The following C3orf70 variants were observed in gnomAD, a reference collection of about 807,000 sequenced individuals.
The protein encoded by C3orf70 is chromosome 3 open reading frame 70.
C3orf70 carries 15 observed loss-of-function variants against 20.7 expected under a neutral mutation model. That is an observed-to-expected ratio of 0.72 (90% CI 0.48 to 1.11). C3orf70 has a LOEUF of 1.11. C3orf70 is among the 50% of genes most tolerant of loss of function. The pLI is 0.00. For synonymous variants in C3orf70, 161 were observed against 125.7 expected (o/e 1.28, Z -1.88); for missense variants, 332 against 317.6 (o/e 1.05, Z -0.34).
chr3:185,084,585 G>T (rs1284206566), intron 1 of C3orf70, among the ~76,000 whole-genome samples: 1 of 151,862 alleles, frequency 6.6e-6, no homozygotes, highest in Admixed American at 6.6e-5. Context: ...AACACACAGA[G>T]GGATGCAGAG....
At chr3:185,114,123 T>C (rs1339152593) in intron 1 of C3orf70, among the ~76,000 whole-genome samples, 1 of 152,012 alleles carries the variant, frequency 6.6e-6, no homozygotes, top group Non-Finnish European at 1.5e-5. Context: ...TGCTTGAACC[T>C]AGGAGGCACA....
chr3:185,124,409 T>C (rs1716367588), intron 1 of C3orf70, among the ~76,000 whole-genome samples: 1 of 152,178 alleles, frequency 6.6e-6, no homozygotes, highest in South Asian at 2.1e-4. Flanking sequence ...AACAGTGAAG[T>C]TGGAAGACTC....
rs1305740922 is a variant in C3orf70 at position 185,078,877 on chromosome 3, T to C, written c.*4130A>G. The stretch of plus-strand genomic sequence containing the variant: ...TTAGATCTATGGACAGCTTTATAAA[T>C]TATCCAGGTGCACCTATTACCCAAG... On this transcript the variant is annotated 3_prime_UTR_variant, in exon 2 of 2. Coordinates refer to ENST00000335012, the MANE Select transcript of C3orf70 (RefSeq NM_001025266.3). 1 of 152,162 alleles carries C rather than the reference T, an allele frequency of 6.6e-6. No homozygotes were observed. Among genetic ancestry groups the C allele is most frequent in the African/African-American group, 2.4e-5 (1 of 41,428 alleles). The allele number at this position is 152,162 out of a possible 1,614,324, so 9.4% of individuals were successfully genotyped here.
intron 1 of C3orf70, among the ~76,000 whole-genome samples, chr3:185,093,517 A>G (rs1715636751): frequency 6.6e-6 from 1 of 152,188 alleles, no homozygotes; most frequent in Non-Finnish European, 1.5e-5. Context: ...ACCACCAGTG[A>G]ACAACTAGGG....
chr3:185,110,555 T>C (rs531527279), intron 1 of C3orf70, among the ~76,000 whole-genome samples: 7,261 of 150,978 alleles, frequency 0.048, 584 homozygotes, highest in African/African-American at 0.17. Flanking sequence ...AGGCCCCCCC[T>C]CAAAATCTGG....
At chr3:185,149,505 T>A (rs1716946872) in intron 1 of C3orf70, among the ~76,000 whole-genome samples, 1 of 152,164 alleles carries the variant, frequency 6.6e-6, no homozygotes, top group Admixed American at 6.5e-5. Flanking sequence ...GTATTCATAT[T>A]TTTATTCTGA....
intron 1 of C3orf70, among the ~76,000 whole-genome samples, chr3:185,121,680 T>C (rs1288521353): frequency 6.6e-6 from 1 of 151,984 alleles, no homozygotes. Flanking sequence ...GTTGGAGAAG[T>C]AGTAAGGCTA....
rs1484521620 is a variant in C3orf70, at chr3:185,081,205, C to CAGG, written c.*1801_*1802insCCT. 1 of 152,000 alleles carries CAGG rather than the reference C, an allele frequency of 6.6e-6. No individual in the cohort carries two copies. The highest frequency in any genetic ancestry group is 1.5e-5 in the Non-Finnish European group (1 of 68,028). The allele number at this position is 152,000 out of a possible 1,614,324, so 9.4% of individuals were successfully genotyped here. On this transcript the variant is annotated 3_prime_UTR_variant, in exon 2 of 2. Coordinates refer to ENST00000335012, the MANE Select transcript of C3orf70 (RefSeq NM_001025266.3). ...GGCCGAGGTGGGTGGATCACAAGGT[C>CAGG]AGATCGAGACCATCCTGGCTAACAT...
At chr3:185,083,665 T>A (rs1715401925) in intron 1 of C3orf70, 102 bp from the exon 2 acceptor site, 1 of 960,570 alleles carries the variant, frequency 1.0e-6, no homozygotes, top group African/African-American at 1.6e-5. Context: ...AATATTTCAG[T>A]AACACCTCAA....
chr3:185,102,648 T>C (rs908455360), intron 1 of C3orf70, among the ~76,000 whole-genome samples: 5 of 152,240 alleles, frequency 3.3e-5, no homozygotes, highest in Admixed American at 3.3e-4. Context: ...TGCTACCTGA[T>C]TTCAAACTCT....
chr3:185,117,275 T>G (rs1334861316), intron 1 of C3orf70, among the ~76,000 whole-genome samples: 1 of 152,212 alleles, frequency 6.6e-6, no homozygotes, highest in Non-Finnish European at 1.5e-5. Flanking sequence ...TATTTATTTC[T>G]GGGTAAGTGC....
chr3:185,147,464 C>G (rs1401476164), intron 1 of C3orf70, among the ~76,000 whole-genome samples: 2 of 152,208 alleles, frequency 1.3e-5, no homozygotes, highest in African/African-American at 4.8e-5. Flanking sequence ...CTTTCCCCAT[C>G]ATTGGCTTTA....
At chr3:185,084,789 A>G (rs1248405935) in intron 1 of C3orf70, among the ~76,000 whole-genome samples, 3 of 152,182 alleles carry the variant, frequency 2.0e-5, no homozygotes, top group African/African-American at 7.2e-5. Flanking sequence ...AAAATATCCA[A>G]TCTGTAAGTC....
At chr3:185,137,900 A>G (rs2108604809) in intron 1 of C3orf70, among the ~76,000 whole-genome samples, 2 of 152,336 alleles carry the variant, frequency 1.3e-5, no homozygotes, top group South Asian at 4.1e-4. Context: ...AGATGAGAGC[A>G]GAAATCAAAG....
chr3:185,152,584 C>T, intron 1 of C3orf70, 44 bp downstream of exon 1: 2 of 1,503,566 alleles, frequency 1.3e-6, no homozygotes, highest in Non-Finnish European at 1.8e-6. Flanking sequence ...CGGCGGGCGT[C>T]CCCCGGACCG....
chr3:185,145,822 CAAA>C (rs1716862684), intron 1 of C3orf70, among the ~76,000 whole-genome samples: 1 of 152,212 alleles, frequency 6.6e-6, no homozygotes. Context: ...GAAAAGATTA[CAAA>C]AAGTTATGTG....
intron 1 of C3orf70, among the ~76,000 whole-genome samples, chr3:185,134,646 C>CTG (rs1037018685): frequency 3.9e-5 from 6 of 152,158 alleles, no homozygotes; most frequent in Non-Finnish European, 7.4e-5. Context: ...ACAAAAAAAA[C>CTG]TTTCAGAGAA....
intron 1 of C3orf70, among the ~76,000 whole-genome samples, chr3:185,107,746 A>C (rs145406502): frequency 7.5e-4 from 115 of 152,344 alleles, no homozygotes; most frequent in African/African-American, 2.7e-3. Context: ...TAACTGACTT[A>C]AGAGCCATCA....
chr3:185,091,087 G>C (rs543864792), intron 1 of C3orf70, among the ~76,000 whole-genome samples: 1 of 152,036 alleles, frequency 6.6e-6, no homozygotes, highest in African/African-American at 2.4e-5. Context: ...AGATGAAGTA[G>C]AGTATGTAGT....
Sources: allele counts gnomAD v4.1 joint callset (sites outside exome capture counted in the v4.1 genomes callset), GRCh38; gene constraint gnomAD v4.1.1; transcripts MANE v1.5; gene names NCBI Gene and HGNC (gene_info 2026-07-23, HGNC 2026-07-21).